PPP4R1: variants seen among roughly 807,000 people sequenced by gnomAD.
PPP4R1 encodes the protein protein phosphatase 4 regulatory subunit 1.
PPP4R1 carries 42 observed loss-of-function variants against 111.2 expected under a neutral mutation model. The observed-to-expected ratio is 0.38, with a 90% CI of 0.29 to 0.49. The LOEUF is 0.49. Among genes scored for constraint, PPP4R1 ranks in the 20% least tolerant of loss-of-function variants. PPP4R1 has a pLI of 0.97. For missense variants in PPP4R1, 1,012 were observed against 1,161.6 expected, an observed-to-expected ratio of 0.87 and a Z score of 1.87; for synonymous variants, 409 against 405.5, an observed-to-expected ratio of 1.01 and a Z score of -0.10.
intron 15 of PPP4R1, among the ~76,000 whole-genome samples, chr18:9,556,326 G>C (rs1438638051): frequency 6.6e-6 from 1 of 151,710 alleles, no homozygotes; most frequent in East Asian, 2.0e-4. Context: ...CTGAGTGGCT[G>C]AGACTACAGG....
At chr18:9,549,083 C>A (rs1598882070) in intron 19 of PPP4R1, 114 bp downstream of exon 19, 3 of 1,322,348 alleles carry the variant, frequency 2.3e-6, no homozygotes, top group Non-Finnish European at 2.1e-6. Flanking sequence ...TTTCCTTCCA[C>A]CAGATTATTT....
intron 2 of PPP4R1, among the ~76,000 whole-genome samples, chr18:9,595,883 C>T (rs750273474): frequency 8.5e-5 from 13 of 152,152 alleles, no homozygotes; most frequent in Non-Finnish European, 1.3e-4. Flanking sequence ...TATGATTAAA[C>T]AGCATCTACT....
At chr18:9,596,067 G>A (rs2067285374) in intron 2 of PPP4R1, among the ~76,000 whole-genome samples, 1 of 152,142 alleles carries the variant, frequency 6.6e-6, no homozygotes. Context: ...ATACTTTCCA[G>A]AACTGTGGCT....
At chr18:9,576,042 C>G (rs748797141) in intron 10 of PPP4R1, among the ~76,000 whole-genome samples, 12 of 152,298 alleles carry the variant, frequency 7.9e-5, no homozygotes, top group African/African-American at 1.2e-4. Context: ...GCTAGGAAGA[C>G]AGGTTTGAGT....
intron 11 of PPP4R1, among the ~76,000 whole-genome samples, chr18:9,569,365 C>G (rs931035319): frequency 2.0e-5 from 3 of 152,148 alleles, no homozygotes; most frequent in Non-Finnish European, 4.4e-5. Context: ...TTTCCTCCCC[C>G]ACGCCCGAGA....
chr18:9,564,737 T>TGTGGG (rs1475596391), intron 11 of PPP4R1, among the ~76,000 whole-genome samples: 1 of 67,982 alleles, frequency 1.5e-5, no homozygotes, highest in South Asian at 3.2e-4. Flanking sequence ...TGTGTGTGTG[T>TGTGGG]GGGGGTATCA....
chr18:9,553,285 C>CCT (rs1207038889), intron 16 of PPP4R1, 37 bp downstream of exon 16: 1 of 1,416,844 alleles, frequency 7.1e-7, no homozygotes. Flanking sequence ...AATATATACC[C>CCT]CTCCAAAACA....
At position 9,577,137 on chromosome 18, in the gene PPP4R1, G is replaced by A; in HGVS notation, c.973C>T (p.Pro325Ser). The stretch of plus-strand genomic sequence containing the variant: ...TTAAAATACTGGCCTGAGCTAGATG[G>A]ATTAGCAAAAGTAGATATGAAAGGT... ...LGPFISTFAN[P>S]SSSGQYFKEE... Residue 325 changes from proline to serine, a missense_variant, in exon 10 of 20, where the codon CCA becomes TCA. Pro to Ser is a moderately conservative substitution (Grantham distance 74, BLOSUM62 -1). This residue lies in a region of PPP4R1 where 707 missense variants were observed against 742.1 expected (regional missense o/e 0.95). Transcript: ENST00000400556. The A allele has an allele frequency of 2.5e-6, 4 of 1,608,562 alleles. No homozygotes were observed. The highest frequency in any genetic ancestry group is 3.4e-6 in the Non-Finnish European group (4 of 1,176,460).
chr18:9,584,949 TA>T, intron 6 of PPP4R1, 121 bp from the exon 7 acceptor site: 4 of 710,654 alleles, frequency 5.6e-6, no homozygotes, highest in Non-Finnish European at 9.0e-6. Flanking sequence ...CATTATACTA[TA>T]TACATGACAG....
chr18:9,550,191 G>C lies in PPP4R1; in HGVS notation c.2413-5C>G, dbSNP rs768789474. On this transcript the variant is annotated splice_region_variant and splice_polypyrimidine_tract_variant and intron_variant, in intron 17 of 19. Transcript: ENST00000400556. ...CTTCTTCACCATCTCGCTGACCTGG[G>C]AGGGTGAGCATGGAGAAATGAGGAA... The C allele has an allele frequency of 1.2e-6, 2 of 1,614,182 alleles. No individual in the cohort carries two copies. Among genetic ancestry groups the C allele is most frequent in the Non-Finnish European group, 1.7e-6 (2 of 1,180,038 alleles).
rs1015969491 is a variant in PPP4R1 at position 9,557,208 on chromosome 18, A to G, written c.2190+13T>C. The G allele has an allele frequency of 1.3e-6, 2 of 1,562,638 alleles. No homozygotes were observed. The highest frequency in any genetic ancestry group is 1.4e-5 in the African/African-American group (1 of 71,874). On this transcript the variant is annotated intron_variant, in intron 15 of 19. Coordinates refer to ENST00000400556, the MANE Select transcript of PPP4R1 (RefSeq NM_001042388.3). ...TTTTGTTGTGTTTTTATGCAAAAAA[A>G]TTTAAAAGTTACCTTCAGAAAATCA...
At chr18:9,588,598 T>C (rs2067159670) in intron 5 of PPP4R1, 113 bp downstream of exon 5, 2 of 1,132,646 alleles carry the variant, frequency 1.8e-6, no homozygotes, top group South Asian at 1.6e-5. Context: ...CTAAGATAAA[T>C]ATTCATTTTT....
At chr18:9,587,945 G>T (rs1260600765) in intron 6 of PPP4R1, 144 bp downstream of exon 6, 1 of 1,006,278 alleles carries the variant, frequency 9.9e-7, no homozygotes, top group African/African-American at 1.6e-5. Flanking sequence ...TCCAACTCCT[G>T]ACCTCAAGTG....
At chr18:9,553,749 G>A (rs114989102) in intron 15 of PPP4R1, among the ~76,000 whole-genome samples, 6 of 152,308 alleles carry the variant, frequency 3.9e-5, no homozygotes, top group Admixed American at 6.5e-5. Flanking sequence ...CCATGGCCCC[G>A]CTTAAGGCAG....
intron 4 of PPP4R1, among the ~76,000 whole-genome samples, chr18:9,591,165 C>T (rs1181445131): frequency 2.6e-5 from 4 of 151,416 alleles, no homozygotes; most frequent in African/African-American, 7.3e-5. Flanking sequence ...CTGGCCAACA[C>T]GGAGAAATCC....
At chr18:9,588,453 A>G (rs1292767595) in intron 5 of PPP4R1, among the ~76,000 whole-genome samples, 2 of 152,210 alleles carry the variant, frequency 1.3e-5, no homozygotes, top group African/African-American at 4.8e-5. Context: ...CATCCTGGTA[A>G]AAGATGCCTC....
rs541708487 is a variant in PPP4R1, at chr18:9,550,362, T to C, written c.2328A>G (p.Arg776=). 6.2e-7 allele frequency: 1 copy of C among 1,605,840 alleles called. No individual in the cohort carries two copies. Among genetic ancestry groups the C allele is most frequent in the South Asian group, 1.1e-5 (1 of 90,874 alleles). ...TGGGACGTAAATAGTCATAAACATC[T>C]CTGGGACTATATAACTCTAGAAGTA... ...LILLLELYSP[R]DVYDYLRPIA... is the part of the protein sequence containing the mutation. The change falls in exon 17 of 20, where the codon AGA becomes AGG. Residue 776 remains arginine (R), a synonymous_variant. Coordinates refer to ENST00000400556, the MANE Select transcript of PPP4R1 (RefSeq NM_001042388.3).
At chr18:9,616,748 G>T (rs958086122), upstream of PPP4R1, among the ~76,000 whole-genome samples, 2 of 152,202 alleles carry the variant, frequency 1.3e-5, no homozygotes, top group Admixed American at 6.5e-5. Context: ...TGTACCAAAT[G>T]CTAGCCTAGG....
At chr18:9,558,548 C>A (rs191040233) in intron 14 of PPP4R1, among the ~76,000 whole-genome samples, 3 of 152,250 alleles carry the variant, frequency 2.0e-5, no homozygotes, top group Non-Finnish European at 4.4e-5. Context: ...GCTTTCCTAA[C>A]CTCATAGGTC....
Sources: gnomAD v4.1 joint callset for allele counts (sites outside exome capture counted in the v4.1 genomes callset) on GRCh38, gnomAD v4.1.1 for gene constraint, gnomAD v4.1.1 regional missense constraint, MANE v1.5 for transcripts, NCBI Gene and HGNC (gene_info 2026-07-23, HGNC 2026-07-21) for gene names.